The following TRIM29 variants were observed in gnomAD, a reference collection of about 807,000 sequenced individuals.
The protein encoded by TRIM29 is tripartite motif containing 29.
In TRIM29, 52 loss-of-function variants were observed where a neutral mutation model predicts 57.3. The observed-to-expected ratio is 0.91, with a 90% confidence interval of 0.73 to 1.14. The LOEUF is 1.14. Among genes scored for constraint, TRIM29 ranks in the 50% most tolerant of loss-of-function variants. TRIM29 has a pLI of 0.00. For missense variants in TRIM29, 753 were observed against 774.6 expected (o/e 0.97, Z 0.33); for synonymous variants, 319 against 316.9 (o/e 1.01, Z -0.07).
At chr11:120,120,344 T>TACAC (rs71050727) in intron 6 of TRIM29, among the ~76,000 whole-genome samples, 2,222 of 138,164 alleles carry the variant, frequency 0.016, 28 homozygotes, top group African/African-American at 0.03. Flanking sequence ...CCCACACATG[T>TACAC]ACACACACAC....
Position 120,128,495 on chromosome 11 carries a change from T to C in TRIM29, c.805A>G (p.Thr269Ala). 1 of 1,609,160 alleles carries C rather than the reference T, an allele frequency of 6.2e-7. No homozygotes were observed. Residue 269 changes from threonine to alanine, a missense_variant and splice_region_variant, in exon 2 of 9, where the codon ACG becomes GCG. Physicochemically the swap from Thr to Ala is moderately conservative, Grantham distance 58. Transcript: ENST00000341846. The stretch of plus-strand genomic sequence containing the variant: ...TGCTCCTTTTGCAATGACAGCTCCG[T>C]CTGCAGAGAAAGAGCCAGGATTGGA... ...TVEEAKAEKE[T>A]ELSLQKEQLQ...
chr11:120,137,545 G>C lies in TRIM29; in HGVS notation c.487C>G (p.Arg163Gly), dbSNP rs924078119. 4.4e-6 allele frequency: 7 copies of C among 1,609,090 alleles called. No individual in the cohort carries two copies. Among genetic ancestry groups the C allele is most frequent in the Non-Finnish European group, 5.9e-6 (7 of 1,179,956 alleles). ...YPRADTGLFS[R>G]SKSGSEEVLC... ...ACCTCCTCGGAGCCGGACTTGGACC[G>C]TGAAAAAAGGCCCGTGTCGGCCCGG... The change falls in exon 1 of 9, where the codon CGG becomes GGG. Residue 163 changes from arginine (R) to glycine (G), a missense_variant. Physicochemically the swap from Arg to Gly is moderately radical, Grantham distance 125. Coordinates refer to ENST00000341846, the MANE Select transcript of TRIM29 (RefSeq NM_012101.4). This position sits in a 1 kb window ranked among gnomAD's most constrained non-coding sequence, Gnocchi z 6.2.
At chr11:120,131,657 T>A (rs529061371) in intron 1 of TRIM29, among the ~76,000 whole-genome samples, 3 of 151,368 alleles carry the variant, frequency 2.0e-5, no homozygotes, top group Non-Finnish European at 4.4e-5. Flanking sequence ...GACTGGGAAC[T>A]CTGTGCTGCT....
intron 6 of TRIM29, among the ~76,000 whole-genome samples, chr11:120,120,160 C>A (rs1467916407): frequency 7.4e-6 from 1 of 135,858 alleles, no homozygotes; most frequent in African/African-American, 2.7e-5. Flanking sequence ...GGTCCTCGTG[C>A]CCTCATACTT....
chr11:120,135,349 G>A (rs910856471), intron 1 of TRIM29, among the ~76,000 whole-genome samples: 1 of 152,126 alleles, frequency 6.6e-6, no homozygotes, highest in Non-Finnish European at 1.5e-5. Context: ...GCTCTGTGGG[G>A]TAATTTGAAA....
intron 7 of TRIM29, chr11:120,117,589 A>G (rs1473694781): frequency 6.4e-6 from 1 of 155,222 alleles, no homozygotes; most frequent in Non-Finnish European, 1.4e-5. Context: ...CTTTCAGGAG[A>G]TACATGAGGG....
rs1158058359 is a variant in TRIM29 at position 120,128,486 on chromosome 11, A to T, written c.814T>A (p.Ser272Thr). The T allele has an allele frequency of 5.0e-6, 8 of 1,609,844 alleles. No homozygotes were observed. The highest frequency in any genetic ancestry group is 1.7e-5 in the Admixed American group (1 of 59,996). ...AGCTGCAGCTGCTCCTTTTGCAATG[A>T]CAGCTCCGTCTGCAGAGAAAGAGCC... is the stretch of plus-strand genomic sequence containing the variant. The part of the protein sequence containing the change: ...EAKAEKETEL[S>T]LQKEQLQLKI... Residue 272 changes from serine to threonine, a missense_variant, in exon 2 of 9, where the codon TCA becomes ACA. Transcript: ENST00000341846.
chr11:120,122,267 T>G (rs1396614498), intron 5 of TRIM29, among the ~76,000 whole-genome samples: 1 of 144,144 alleles, frequency 6.9e-6, no homozygotes, highest in Non-Finnish European at 1.5e-5. Context: ...CTCTCCCACA[T>G]GCACAGGCAC....
chr11:120,123,231 C>G (rs746299156), intron 4 of TRIM29, 176 bp from the exon 5 acceptor site: 2 of 702,344 alleles, frequency 2.8e-6, no homozygotes, highest in Non-Finnish European at 5.2e-6. Context: ...TCACTCGGTT[C>G]CTGAGCTCTT....
rs1441631896 is a variant in TRIM29, at chr11:120,125,806, T to G, written c.1218A>C (p.Gly406=). 2.5e-6 allele frequency: 4 copies of G among 1,613,992 alleles called. No individual in the cohort carries two copies. Among genetic ancestry groups the G allele is most frequent in the Non-Finnish European group, 3.4e-6 (4 of 1,180,024 alleles). ...CGTCCTTGAAGTTGCCTAGTGACTG[T>G]CCCAGGCCCTCCCCCTCCAGCAGGA... ...YHVLLEGEGL[G]QSLGNFKDDL... Residue 406 remains glycine (G), a synonymous_variant, in exon 4 of 9, where the codon GGA becomes GGC. Transcript: ENST00000341846.
Position 120,122,163 on chromosome 11 carries a change from T to TGTGTGTGTGA in TRIM29, c.1435+790_1435+791insTCACACACAC, listed in dbSNP as rs780959243. On this transcript the variant is annotated intron_variant, in intron 5 of 8. Coordinates refer to ENST00000341846, the MANE Select transcript of TRIM29 (RefSeq NM_012101.4). ...GTGTGTGTGTGTGTGTGTGTGTGTG[T>TGTGTGTGTGA]GAAAGACGTGTGTGAATTACTGATT... Among the ~76,000 whole-genome samples, 1,417 of 148,936 alleles carry TGTGTGTGTGA rather than the reference T, an allele frequency of 9.5e-3. 26 individuals carry two copies. The highest frequency in any genetic ancestry group is 0.012 in the African/African-American group (482 of 40,362).
intron 4 of TRIM29, chr11:120,123,657 C>T (rs533727565): frequency 1.4e-5 from 5 of 352,564 alleles, no homozygotes; most frequent in East Asian, 7.5e-5. Flanking sequence ...ATCTGCTGCT[C>T]GACACTTGAC....
At position 120,125,418 on chromosome 11, in the gene TRIM29, A is replaced by G; in HGVS notation, c.1333+273T>C. The G allele has an allele frequency of 8.2e-6, 4 of 487,248 alleles. No homozygotes were observed. In the South Asian group the frequency reaches 1.1e-4, roughly 14 times the overall value. 30.2% of individuals were successfully genotyped at this position (487,248 alleles called of 1,614,324 possible). A position where few individuals can be genotyped will look rare whatever the true frequency, so the allele number is the denominator to read the frequency against. Reference sequence around the variant, plus strand: ...AACCAGTCTCTGAGTTTGATGGACAACCCACAGAGAGGAGGCATTTGTGGA... The same window carrying G: ...AACCAGTCTCTGAGTTTGATGGACAGCCCACAGAGAGGAGGCATTTGTGGA... On this transcript the variant is annotated intron_variant, in intron 4 of 8. Transcript: ENST00000341846.
chr11:120,120,012 G>A (rs1032607226), intron 6 of TRIM29, among the ~76,000 whole-genome samples: 1 of 152,100 alleles, frequency 6.6e-6, no homozygotes, highest in African/African-American at 2.4e-5. Context: ...GGTGCTGCTC[G>A]CTTGCCTCAC....
At chr11:120,127,188 G>A (rs548536654) in intron 3 of TRIM29, 148 bp downstream of exon 3, 2 of 677,184 alleles carry the variant, frequency 3.0e-6, no homozygotes, top group South Asian at 3.8e-5. Context: ...ATGGATGAAT[G>A]GATGGATGGT....
intron 8 of TRIM29, chr11:120,113,482 C>T (rs900040468): frequency 2.4e-5 from 9 of 368,710 alleles, no homozygotes; most frequent in Non-Finnish European, 3.8e-5. Flanking sequence ...TGAGCCCACT[C>T]CCATGCCCTG....
At chr11:120,130,243 C>T in intron 1 of TRIM29, among the ~76,000 whole-genome samples, 1 of 152,144 alleles carries the variant, frequency 6.6e-6, no homozygotes, top group East Asian at 1.9e-4. Context: ...GTCCGAAGCA[C>T]CTTTCTCATC....
intron 1 of TRIM29, chr11:120,128,823 G>A: frequency 6.6e-7 from 1 of 1,521,692 alleles, no homozygotes; most frequent in Non-Finnish European, 8.8e-7. Flanking sequence ...TTTACAGGGT[G>A]CTTGCCCTTT....
intron 8 of TRIM29, among the ~76,000 whole-genome samples, chr11:120,114,087 G>C (rs997161548): frequency 6.6e-6 from 1 of 152,176 alleles, no homozygotes; most frequent in Non-Finnish European, 1.5e-5. Flanking sequence ...CAGCCCCCAG[G>C]GAAATTGATT....
Sources: gnomAD v4.1 joint callset for allele counts (sites outside exome capture counted in the v4.1 genomes callset) on GRCh38, gnomAD v4.1.1 for gene constraint, Gnocchi (gnomAD v3.1) non-coding constraint, MANE v1.5 for transcripts, NCBI Gene and HGNC (gene_info 2026-07-23, HGNC 2026-07-21) for gene names.